KNTC1: variants seen among roughly 807,000 people sequenced by gnomAD.
KNTC1 encodes kinetochore associated 1.
In KNTC1, 253 loss-of-function variants were observed where a neutral mutation model predicts 314.4. The observed-to-expected ratio is 0.80, with a 90% CI of 0.73 to 0.89. The LOEUF is 0.89. KNTC1 is among the 40% of genes least tolerant of loss of function. KNTC1 has a pLI of 0.00. For missense variants in KNTC1, 2,475 were observed against 2,572.9 expected (o/e 0.96, Z 0.82); for synonymous variants, 901 against 901.4 (o/e 1.00, Z 0.01).
rs917589404 is a variant in KNTC1, at chr12:122,620,272, G to A, written c.6150-207G>A. On this transcript the variant is annotated intron_variant, in intron 59 of 63. Coordinates refer to ENST00000333479, the MANE Select transcript of KNTC1 (RefSeq NM_014708.6). The stretch of plus-strand genomic sequence containing the variant: ...TAATCATGATAGCAAACAGTAGTCC[G>A]TGTTCCCATGGGTAAATTCTTTTAT... The A allele has an allele frequency of 1.4e-5, 5 of 352,222 alleles. No homozygotes were observed. In the East Asian group the frequency reaches 1.5e-4, roughly 11 times the overall value. The allele number at this position is 352,222 out of a possible 1,614,324, so 21.8% of individuals were successfully genotyped here.
At chr12:122,547,823 C>A in intron 11 of KNTC1, 92 bp from the exon 12 acceptor site, 1 of 735,588 alleles carries the variant, frequency 1.4e-6, no homozygotes, top group Non-Finnish European at 2.1e-6. Context: ...TTGTAATTGG[C>A]AAAGCCTACT....
At chr12:122,619,286 C>G (rs1378617409) in intron 59 of KNTC1, among the ~76,000 whole-genome samples, 1 of 151,100 alleles carries the variant, frequency 6.6e-6, no homozygotes, top group African/African-American at 2.4e-5. Context: ...ATGAGCCATC[C>G]CGTGAGTAGC....
chr12:122,543,425 G>A (rs1962502322), intron 6 of KNTC1, among the ~76,000 whole-genome samples, 175 bp from the exon 7 acceptor site: 1 of 152,172 alleles, frequency 6.6e-6, no homozygotes. Context: ...GTACTGGCTG[G>A]TGCCCTGAAT....
rs548686383 is a variant in KNTC1 at position 122,528,543 on chromosome 12, C to T, written c.-74+1192C>T. 3.9e-5 allele frequency among the ~76,000 whole-genome samples: 6 copies of T among 152,246 alleles called. No individual in the cohort carries two copies. In the East Asian group the frequency reaches 1.2e-3, roughly 29 times the overall value. On this transcript the variant is annotated intron_variant, in intron 1 of 63. Coordinates refer to ENST00000333479, the MANE Select transcript of KNTC1 (RefSeq NM_014708.6). Reference sequence around the variant, plus strand: ...CAGGGCAAAATAGTGAGACCCTCGTCTCTCAAAAAACCAGAAGTGAAAAAT... The same window carrying T: ...CAGGGCAAAATAGTGAGACCCTCGTTTCTCAAAAAACCAGAAGTGAAAAAT...
intron 53 of KNTC1, chr12:122,611,846 C>T (rs1873159750): frequency 6.6e-6 from 1 of 152,110 alleles, no homozygotes; most frequent in African/African-American, 2.4e-5. Flanking sequence ...CTGCAAATCA[C>T]TTCGTCCCCA....
At chr12:122,554,392 T>C (rs1355377965) in intron 16 of KNTC1, among the ~76,000 whole-genome samples, 1 of 151,988 alleles carries the variant, frequency 6.6e-6, no homozygotes, top group Non-Finnish European at 1.5e-5. Flanking sequence ...AGAATAATTC[T>C]GTGTATTGTT....
chr12:122,537,896 G>T (rs961309551), intron 3 of KNTC1, among the ~76,000 whole-genome samples: 1 of 152,138 alleles, frequency 6.6e-6, no homozygotes, highest in African/African-American at 2.4e-5. Flanking sequence ...CACTTTGGGA[G>T]GCAGAGATGG....
intron 40 of KNTC1, 121 bp downstream of exon 40, chr12:122,588,937 C>T (rs1195599835): frequency 1.9e-6 from 1 of 518,068 alleles, no homozygotes; most frequent in Non-Finnish European, 3.3e-6. Context: ...TCAAAAACTT[C>T]AAGAAACTGT....
In KNTC1 at chr12:122,602,714, C is replaced by T; in HGVS notation, c.4799C>T (p.Thr1600Ile). The T allele has an allele frequency of 6.2e-7, 1 of 1,613,826 alleles. No individual in the cohort carries two copies. The highest frequency in any genetic ancestry group is 8.5e-7 in the Non-Finnish European group (1 of 1,179,812). Residue 1600 changes from threonine to isoleucine, a missense_variant, in exon 46 of 64, where the codon ACA becomes ATA. Thr to Ile is a moderately conservative substitution (Grantham distance 89). Coordinates refer to ENST00000333479, the MANE Select transcript of KNTC1 (RefSeq NM_014708.6). ...RLPFHLIFFG[T>I]AQNFWKILST... ...CCTTTTCACCTGATATTCTTTGGCA[C>T]AGCACAGAACTTCTGGAAAATTCTC...
In KNTC1 at chr12:122,565,582, C is replaced by T. The variant is rs189022851; in HGVS notation, c.1605-2679C>T. ...GTCTGTTTGGAAAAATATTACCCACCGCAAGATTAAAAATAAATTCTTGGC... is the reference window on the plus strand; with the variant it reads ...GTCTGTTTGGAAAAATATTACCCACTGCAAGATTAAAAATAAATTCTTGGC... On this transcript the variant is annotated intron_variant, in intron 20 of 63. Transcript: ENST00000333479. Among the ~76,000 whole-genome samples the T allele has an allele frequency of 2.8e-4, 43 of 151,520 alleles. 1 individual carries two copies. The highest frequency in any genetic ancestry group is 9.4e-4 in the African/African-American group (39 of 41,280).
intron 20 of KNTC1, among the ~76,000 whole-genome samples, chr12:122,564,760 C>A (rs1261238783): frequency 6.6e-6 from 1 of 152,196 alleles, no homozygotes; most frequent in South Asian, 2.1e-4. Flanking sequence ...GCGTGAGGTA[C>A]CACGCCCAGT....
At chr12:122,540,005 C>T (rs1471400395) in intron 5 of KNTC1, among the ~76,000 whole-genome samples, 4 of 151,600 alleles carry the variant, frequency 2.6e-5, no homozygotes, top group Non-Finnish European at 5.9e-5. Context: ...GTCTCAAGCT[C>T]CTGACCTCAA....
At chr12:122,529,875 T>C (rs941751186) in intron 1 of KNTC1, 116 bp from the exon 2 acceptor site, 1 of 487,854 alleles carries the variant, frequency 2.0e-6, no homozygotes, top group South Asian at 2.8e-5. Flanking sequence ...AAGTGTTTAG[T>C]GGCCACAGCA....
chr12:122,534,660 A>G lies in KNTC1; in HGVS notation c.130-4A>G. 6.2e-7 allele frequency: 1 copy of G among 1,604,286 alleles called. No homozygotes were observed. Among genetic ancestry groups the G allele is most frequent in the Non-Finnish European group, 8.5e-7 (1 of 1,174,328 alleles). On this transcript the variant is annotated splice_region_variant and splice_polypyrimidine_tract_variant and intron_variant, in intron 2 of 63. Transcript: ENST00000333479. ...AATTTTCATCATGCTTTTCTCTCCC[A>G]CAGGCCTCATTAAATCCAAAGATAC...
intron 62 of KNTC1, among the ~76,000 whole-genome samples, chr12:122,622,999 C>A (rs190941971): frequency 6.6e-6 from 1 of 152,162 alleles, no homozygotes; most frequent in East Asian, 1.9e-4. Flanking sequence ...AACTGTAGAG[C>A]TATTTGGTTG....
chr12:122,612,431 T>C (rs1873263585), intron 53 of KNTC1, among the ~76,000 whole-genome samples: 1 of 147,196 alleles, frequency 6.8e-6, no homozygotes, highest in Non-Finnish European at 1.5e-5. Flanking sequence ...TTTTTTTTTT[T>C]TTTGAGAGAG....
At position 122,549,633 on chromosome 12, in the gene KNTC1, T is replaced by G. The variant is rs558541319; in HGVS notation, c.988-133T>G. The G allele has an allele frequency of 5.0e-6, 3 of 596,070 alleles. No individual in the cohort carries two copies. In the African/African-American group the frequency reaches 5.7e-5, roughly 11 times the overall value. The allele number at this position is 596,070 out of a possible 1,614,324, so 36.9% of individuals were successfully genotyped here. A position where few individuals can be genotyped will look rare whatever the true frequency, so the allele number is the denominator to read the frequency against. On this transcript the variant is annotated intron_variant, in intron 12 of 63. Transcript: ENST00000333479. ...CGCCTGCCTCAGCCTCCCAAAGTGC[T>G]GGGATTATAGGCATGAGCCACCACG...
chr12:122,620,098 G>C (rs1874263631), intron 59 of KNTC1: 1 of 152,282 alleles, frequency 6.6e-6, no homozygotes, highest in South Asian at 2.1e-4. Context: ...GAACCCGGGA[G>C]GTGTTGGTTG....
intron 20 of KNTC1, among the ~76,000 whole-genome samples, chr12:122,567,592 A>T (rs1964429810): frequency 6.6e-6 from 1 of 152,014 alleles, no homozygotes; most frequent in African/African-American, 2.4e-5. Flanking sequence ...TAATCGCAAC[A>T]CTTTGGGAGG....
Sources: gnomAD v4.1 joint callset for allele counts (sites outside exome capture counted in the v4.1 genomes callset) on GRCh38, gnomAD v4.1.1 for gene constraint, MANE v1.5 for transcripts, NCBI Gene and HGNC (gene_info 2026-07-23, HGNC 2026-07-21) for gene names.